POLR3GL: variants seen among roughly 807,000 people sequenced by gnomAD.
POLR3GL encodes DNA-directed RNA polymerase III subunit RPC7-like.
Under a neutral mutation model 32.4 loss-of-function variants are expected in POLR3GL, and 26 were observed. The ratio of observed to expected loss-of-function variants is 0.80; its 90% CI spans 0.59 to 1.11. The LOEUF (loss-of-function observed/expected upper bound fraction) is 1.11. Among genes scored for constraint, POLR3GL ranks in the 50% most tolerant of loss-of-function variants. The pLI is 0.00. For missense variants in POLR3GL, 229 were observed against 280.1 expected, an observed-to-expected ratio of 0.82 and a Z score of 1.30; for synonymous variants, 95 against 98.7, an observed-to-expected ratio of 0.96 and a Z score of 0.22.
intron 7 of POLR3GL, 122 bp downstream of exon 7, chr1:145,978,218 A>T: frequency 7.2e-7 from 1 of 1,387,306 alleles, no homozygotes; most frequent in Non-Finnish European, 9.9e-7. Flanking sequence ...GCTTCTCTCT[A>T]CTTCATCTGC....
chr1:145,968,344 G>A (rs1650127278), intron 1 of POLR3GL, among the ~76,000 whole-genome samples: 1 of 152,198 alleles, frequency 6.6e-6, no homozygotes, highest in East Asian at 1.9e-4. Context: ...ATAAAATTTT[G>A]TCTTCTTTTT....
intron 4 of POLR3GL, 57 bp downstream of exon 4, chr1:145,977,209 A>G (rs1460517572): frequency 2.8e-6 from 4 of 1,445,924 alleles, no homozygotes; most frequent in Admixed American, 1.7e-5. Context: ...GGATGCTTCA[A>G]GCTATTCCCA....
intron 1 of POLR3GL, among the ~76,000 whole-genome samples, chr1:145,971,826 G>A (rs1244459044): frequency 3.3e-5 from 5 of 150,894 alleles, no homozygotes; most frequent in African/African-American, 9.8e-5. Flanking sequence ...TTAGCCGGGC[G>A]TAGTGGCGTG....
chr1:145,971,106 A>C (rs1313259485), intron 1 of POLR3GL, among the ~76,000 whole-genome samples: 1 of 141,954 alleles, frequency 7.0e-6, no homozygotes, highest in East Asian at 2.1e-4. Context: ...GAATCGCTTG[A>C]ACCTGGGAGG....
chr1:145,966,254 CA>C (rs1428298079), intron 1 of POLR3GL, among the ~76,000 whole-genome samples: 4 of 145,824 alleles, frequency 2.7e-5, no homozygotes, highest in Non-Finnish European at 6.0e-5. Context: ...CTGAGGTAGG[CA>C]GATCACTTTA....
At position 145,977,117 on chromosome 1, in the gene POLR3GL, C is replaced by T. The variant is rs782263819; in HGVS notation, c.290C>T (p.Ser97Leu). 1 of 1,613,948 alleles carries T rather than the reference C, an allele frequency of 6.2e-7. No homozygotes were observed. Among genetic ancestry groups the T allele is most frequent in the South Asian group, 1.1e-5 (1 of 91,080 alleles). Residue 97 changes from serine to leucine, a missense_variant, in exon 4 of 8, where the codon TCA becomes TTA. Ser to Leu is a moderately radical substitution (Grantham distance 145, BLOSUM62 -2). Transcript: ENST00000369314. ...VERYSDKYQM[S>L]GPIDNAIDWN... ...CGTTATTCAGACAAATATCAGATGT[C>T]AGGTCCGATTGACAATGCCATCGAT...
At position 145,977,161 on chromosome 1, in the gene POLR3GL, T is replaced by C. The variant is rs782158139; in HGVS notation, c.325+9T>C. On this transcript the variant is annotated intron_variant, in intron 4 of 7. Transcript: ENST00000369314. ...CATCGATTGGAACCCTGGTAGGTGATGGGCCCTTTCATTGACTGCCCTTCT... is the reference window on the plus strand; with the variant it reads ...CATCGATTGGAACCCTGGTAGGTGACGGGCCCTTTCATTGACTGCCCTTCT... The C allele has an allele frequency of 3.7e-6, 6 of 1,611,198 alleles. No homozygotes were observed. The highest frequency in any genetic ancestry group is 1.7e-5 in the Admixed American group (1 of 60,004).
rs376143695 is a variant in POLR3GL, at chr1:145,977,489, G to A, written c.332G>A (p.Arg111Gln). ...ACGTTCCCACTATTCCCAGATTGGCGGCGTCTACCCCGGGAGCTAAAGATC... is the reference window on the plus strand; with the variant it reads ...ACGTTCCCACTATTCCCAGATTGGCAGCGTCTACCCCGGGAGCTAAAGATC... ...DNAIDWNPDW[R>Q]RLPRELKIRV... The change falls in exon 5 of 8, where the codon CGG (arginine) becomes CAG (glutamine). Residue 111 changes from arginine to glutamine, a missense_variant. By Grantham distance (43) the Arg-to-Gln change is conservative. Coordinates refer to ENST00000369314, the MANE Select transcript of POLR3GL (RefSeq NM_032305.3). 4.2e-5 allele frequency: 68 copies of A among 1,613,890 alleles called. No individual in the cohort carries two copies. The highest frequency in any genetic ancestry group is 6.7e-5 in the African/African-American group (5 of 74,884).
At position 145,975,357 on chromosome 1, in the gene POLR3GL, T is replaced by A; in HGVS notation, c.177T>A (p.Tyr59Ter). ...VPLPSGEEGE[Y>*]VLALKQELRG... The stretch of plus-strand genomic sequence containing the variant: ...TGCCCTCAGGCGAGGAAGGGGAATA[T>A]GTCCTGGCACTGAAGCAAGAGCTAC... Residue 59 changes from tyrosine to a stop codon, truncating the protein, a stop_gained, in exon 3 of 8, where the codon TAT becomes TAA. Transcript: ENST00000369314. LOFTEE classifies it high-confidence loss of function. 1 of 1,614,196 alleles carries A rather than the reference T, an allele frequency of 6.2e-7. No individual in the cohort carries two copies.
At chr1:145,974,210 C>G (rs1207365758) in intron 1 of POLR3GL, among the ~76,000 whole-genome samples, 2 of 152,152 alleles carry the variant, frequency 1.3e-5, no homozygotes, top group African/African-American at 2.4e-5. Flanking sequence ...ATGACTCATC[C>G]CTGTGCTCCC....
intron 1 of POLR3GL, among the ~76,000 whole-genome samples, chr1:145,971,912 C>G (rs1365319536): frequency 8.0e-6 from 1 of 124,772 alleles, no homozygotes; most frequent in East Asian, 2.5e-4. Context: ...TTGCAGTGAG[C>G]TGAGATTGCG....
At position 145,977,997 on chromosome 1, in the gene POLR3GL, G is replaced by A. The variant is rs782224705; in HGVS notation, c.471G>A (p.Lys157=). The A allele has an allele frequency of 1.4e-5, 22 of 1,613,226 alleles. No homozygotes were observed. Among genetic ancestry groups the A allele is most frequent in the Middle Eastern group, 1.7e-4 (1 of 6,042 alleles). ...TIQKLETLEK[K]EEEVTSEEDE... is the part of the protein sequence containing the mutation. Reference sequence around the variant, plus strand: ...CCCCACATGAGACCCTGGAGAAGAAGGAAGAAGAAGTAACTTCAGAGGAGG... The same window carrying A: ...CCCCACATGAGACCCTGGAGAAGAAAGAAGAAGAAGTAACTTCAGAGGAGG... The change falls in exon 7 of 8, where the codon AAG becomes AAA. Residue 157 remains lysine (K), a synonymous_variant. Coordinates refer to ENST00000369314, the MANE Select transcript of POLR3GL (RefSeq NM_032305.3).
intron 5 of POLR3GL, 104 bp from the exon 6 acceptor site, chr1:145,977,674 T>A: frequency 7.5e-7 from 1 of 1,326,708 alleles, no homozygotes. Context: ...GATGTCATAG[T>A]GGCCACATGA....
chr1:145,975,175 A>T (rs1055703553), intron 2 of POLR3GL, 132 bp from the exon 3 acceptor site: 28 of 1,343,930 alleles, frequency 2.1e-5, no homozygotes, highest in African/African-American at 1.3e-4. Flanking sequence ...CTTTCAAAAT[A>T]ATATGTTACT....
chr1:145,972,937 G>A (rs1553762905), intron 1 of POLR3GL, among the ~76,000 whole-genome samples: 1 of 152,070 alleles, frequency 6.6e-6, no homozygotes, highest in African/African-American at 2.4e-5. Context: ...GGGCTCGAGT[G>A]ATCTGCCCGC....
Position 145,977,784 on chromosome 1 carries a change from C to T in POLR3GL, c.389C>T (p.Thr130Ile), listed in dbSNP as rs782332866. 2 of 1,613,956 alleles carry T rather than the reference C, an allele frequency of 1.2e-6. No homozygotes were observed. The highest frequency in any genetic ancestry group is 1.7e-6 in the Non-Finnish European group (2 of 1,179,868). The stretch of plus-strand genomic sequence containing the variant: ...CTTTTGATCCCTCCACCAGGGATTA[C>T]AATTCTGCTCCCCAAGAGGCCCCCT... Reference protein sequence around the residue: ...RVRKLQKERITILLPKRPPKT... With the variant: ...RVRKLQKERIIILLPKRPPKT... The change falls in exon 6 of 8, where the codon ACA (threonine) becomes ATA (isoleucine). Residue 130 changes from threonine to isoleucine, a missense_variant. Physicochemically the swap from Thr to Ile is moderately conservative, Grantham distance 89 (BLOSUM62 -1). Transcript: ENST00000369314.
At chr1:145,976,787 C>T (rs1553763457) in intron 3 of POLR3GL, among the ~76,000 whole-genome samples, 2 of 151,158 alleles carry the variant, frequency 1.3e-5, no homozygotes, top group Admixed American at 1.3e-4. Context: ...GTGGTGTGTG[C>T]CTGTAGTCCC....
At chr1:145,973,616 G>A (rs587739344) in intron 1 of POLR3GL, among the ~76,000 whole-genome samples, 1 of 151,990 alleles carries the variant, frequency 6.6e-6, no homozygotes, top group Admixed American at 6.6e-5. Context: ...GGAAGCTGAG[G>A]CAGGAGGATC....
intron 1 of POLR3GL, among the ~76,000 whole-genome samples, chr1:145,969,076 G>C (rs1553762300): frequency 4.6e-5 from 7 of 151,836 alleles, no homozygotes; most frequent in Non-Finnish European, 1.5e-5. Flanking sequence ...ATCTCATTTA[G>C]TATTCTGTTA....
Sources: allele counts gnomAD v4.1 joint callset (sites outside exome capture counted in the v4.1 genomes callset), GRCh38; gene constraint gnomAD v4.1.1; transcripts MANE v1.5; gene names NCBI Gene and HGNC (gene_info 2026-07-23, HGNC 2026-07-21).